RGS6: variants seen among roughly 807,000 people sequenced by gnomAD.
RGS6 encodes regulator of G protein signaling 6.
In RGS6, 30 loss-of-function variants were observed where a neutral mutation model predicts 78.5. The ratio of observed to expected loss-of-function variants is 0.38; its 90% CI spans 0.29 to 0.52. RGS6 has a LOEUF of 0.52. Ranked by LOEUF, RGS6 falls within the 20% of genes least tolerant of loss-of-function variation. The pLI is 0.85. For missense variants in RGS6, 495 were observed against 609.7 expected (o/e 0.81, Z 1.98); for synonymous variants, 206 against 206.0 (o/e 1.00, Z 0.00).
Position 72,474,622 on chromosome 14 carries a change from C to T in RGS6, c.619-3C>T, listed in dbSNP as rs779349883. The T allele has an allele frequency of 2.5e-6, 4 of 1,596,296 alleles. No homozygotes were observed. In the South Asian group the frequency reaches 4.6e-5, roughly 18 times the overall value. On this transcript the variant is annotated splice_polypyrimidine_tract_variant and splice_region_variant and intron_variant, in intron 9 of 17. Coordinates refer to ENST00000553525, the MANE Select transcript of RGS6 (RefSeq NM_001204424.2). ...TTTATATGATGTGTTTTTTTTTTCT[C>T]AGCCAGGCTGTGTGAACACAACAGA...
intron 3 of RGS6, among the ~76,000 whole-genome samples, chr14:72,429,091 A>G (rs1013066650): frequency 2.0e-5 from 3 of 152,268 alleles, no homozygotes; most frequent in Non-Finnish European, 2.9e-5. Context: ...AGTCCCAGCT[A>G]CTCAGGAGGC....
At chr14:72,018,337 T>C (rs1452681121) in intron 2 of RGS6, among the ~76,000 whole-genome samples, 1 of 152,198 alleles carries the variant, frequency 6.6e-6, no homozygotes, top group South Asian at 2.1e-4. Context: ...TCCTTGGGGC[T>C]AGAATCCGCC....
At chr14:72,412,591 A>G (rs1176057876) in intron 3 of RGS6, among the ~76,000 whole-genome samples, 1 of 151,788 alleles carries the variant, frequency 6.6e-6, no homozygotes, top group Non-Finnish European at 1.5e-5. Context: ...GATCTTAGTT[A>G]TTTCTTGCCT....
At chr14:72,501,612 C>T (rs2238173) in intron 13 of RGS6, among the ~76,000 whole-genome samples, 3,760 of 152,248 alleles carry the variant, frequency 0.025, 145 homozygotes, top group African/African-American at 0.081. Flanking sequence ...TGCCAGATGA[C>T]GTAATTCTTT....
intron 14 of RGS6, chr14:72,511,845 C>T (rs2096881884): frequency 1.3e-5 from 2 of 152,230 alleles, no homozygotes; most frequent in Admixed American, 1.3e-4. Context: ...GGTTATTATA[C>T]AAGAGCCTTT....
intron 2 of RGS6, among the ~76,000 whole-genome samples, chr14:72,185,709 C>T (rs1039379046): frequency 2.0e-5 from 3 of 152,186 alleles, no homozygotes; most frequent in African/African-American, 7.2e-5. Context: ...CTTTGGGAGG[C>T]TGAGGTGAGC....
chr14:72,370,150 TA>T (rs11432261), intron 3 of RGS6, among the ~76,000 whole-genome samples: 96 of 146,754 alleles, frequency 6.5e-4, no homozygotes, highest in Middle Eastern at 3.5e-3. Context: ...CAAAATCTGG[TA>T]AAAAAAAAAA....
intron 3 of RGS6, among the ~76,000 whole-genome samples, chr14:72,431,573 G>A (rs967295346): frequency 3.4e-5 from 4 of 116,864 alleles, no homozygotes; most frequent in Admixed American, 8.2e-5. Flanking sequence ...TAGTAGACAC[G>A]GGATTTCACC....
intron 2 of RGS6, among the ~76,000 whole-genome samples, chr14:72,082,628 C>A (rs928578576): frequency 6.1e-4 from 93 of 151,730 alleles, no homozygotes; most frequent in African/African-American, 2.1e-3. Context: ...CATGTTGTAC[C>A]CCATACATAT....
intron 2 of RGS6, among the ~76,000 whole-genome samples, chr14:72,193,151 A>C (rs540264386): frequency 1.3e-5 from 2 of 151,888 alleles, no homozygotes; most frequent in African/African-American, 4.8e-5. Flanking sequence ...GCACCACCAC[A>C]CCTGGCTAAT....
the RGS6 span, among the ~76,000 whole-genome samples, chr14:71,902,882 C>A: frequency 6.6e-6 from 1 of 152,108 alleles, no homozygotes; most frequent in African/African-American, 2.4e-5. Context: ...ATAATGGAGC[C>A]AGTCTGTTTA....
chr14:71,976,699 C>G (rs1323068195), intron 2 of RGS6, among the ~76,000 whole-genome samples: 77 of 152,248 alleles, frequency 5.1e-4, no homozygotes, highest in African/African-American at 1.7e-3. Context: ...CTTTGCTCTT[C>G]TGAATAATGC....
At chr14:71,987,321 A>C (rs1341623729) in intron 2 of RGS6, among the ~76,000 whole-genome samples, 1 of 152,082 alleles carries the variant, frequency 6.6e-6, no homozygotes, top group Non-Finnish European at 1.5e-5. Context: ...AGAGTTTCAG[A>C]GACTGGCAGT....
chr14:72,441,216 AG>A (rs2095185382), intron 3 of RGS6, among the ~76,000 whole-genome samples: 2 of 152,130 alleles, frequency 1.3e-5, no homozygotes, highest in African/African-American at 4.8e-5. Context: ...GGGGTACAGA[AG>A]AGGAAGGCAG....
At chr14:72,142,239 G>A (rs1265395626) in intron 2 of RGS6, among the ~76,000 whole-genome samples, 1 of 151,906 alleles carries the variant, frequency 6.6e-6, no homozygotes, top group African/African-American at 2.4e-5. Context: ...GGGCACACCA[G>A]CTTTTATTTT....
At chr14:72,067,319 G>T (rs905142203) in intron 2 of RGS6, among the ~76,000 whole-genome samples, 4 of 152,098 alleles carry the variant, frequency 2.6e-5, no homozygotes, top group African/African-American at 9.7e-5. Flanking sequence ...CGGGGAGGTG[G>T]AGGACAAGGG....
intron 2 of RGS6, among the ~76,000 whole-genome samples, chr14:72,174,859 C>T (rs1367180883): frequency 6.6e-6 from 1 of 152,150 alleles, no homozygotes; most frequent in African/African-American, 2.4e-5. Context: ...CTCACAGATG[C>T]CCTTGTGCAG....
At chr14:72,359,375 AG>A in intron 3 of RGS6, among the ~76,000 whole-genome samples, 1 of 146,832 alleles carries the variant, frequency 6.8e-6, no homozygotes, top group East Asian at 2.3e-4. Context: ...TAGGGGTGCC[AG>A]GGGTTGGGGT....
intron 2 of RGS6, among the ~76,000 whole-genome samples, chr14:72,131,869 A>G (rs1433139828): frequency 6.6e-6 from 1 of 152,248 alleles, no homozygotes; most frequent in Non-Finnish European, 1.5e-5. Context: ...GCTTACTAGA[A>G]GCCCACCATG....
Sources: allele counts gnomAD v4.1 joint callset (sites outside exome capture counted in the v4.1 genomes callset), GRCh38; gene constraint gnomAD v4.1.1; transcripts MANE v1.5; gene names NCBI Gene and HGNC (gene_info 2026-07-23, HGNC 2026-07-21).